The following ANKRD11 variants were observed in gnomAD, a reference collection of about 807,000 sequenced individuals.
ANKRD11 encodes the protein ankyrin repeat domain 11, also known as ankyrin repeat domain-containing protein 11.
ANKRD11 carries 17 observed loss-of-function variants against 195.7 expected under a neutral mutation model. The ratio of observed to expected loss-of-function variants is 0.09; its 90% CI spans 0.06 to 0.13. The LOEUF is 0.13. ANKRD11 is among the 10% of genes least tolerant of loss of function. The pLI is 1.00. For synonymous variants in ANKRD11, 1,953 were observed against 1,528.1 expected (o/e 1.28, Z -6.49); for missense variants, 3,735 against 3,566.1 (o/e 1.05, Z -1.21).
chr16:89,436,884 A>T (rs1182137891), intron 1 of ANKRD11, among the ~76,000 whole-genome samples: 1 of 152,230 alleles, frequency 6.6e-6, no homozygotes, highest in African/African-American at 2.4e-5. Context: ...CAATAAACTT[A>T]TCTACTTTCT....
intron 2 of ANKRD11, among the ~76,000 whole-genome samples, chr16:89,321,740 T>G (rs1440499487): frequency 6.6e-6 from 1 of 151,974 alleles, no homozygotes; most frequent in African/African-American, 2.4e-5. Context: ...AAATTCACCT[T>G]CAATAAAGGG....
At chr16:89,470,701 C>T (rs1022925275) in intron 1 of ANKRD11, among the ~76,000 whole-genome samples, 1 of 151,844 alleles carries the variant, frequency 6.6e-6, no homozygotes, top group Non-Finnish European at 1.5e-5. Flanking sequence ...AAAAATTAGC[C>T]GGGCGTGGCC....
chr16:89,411,603 G>A lies in ANKRD11; in HGVS notation c.-60+6681C>T, dbSNP rs576655401. 3.3e-5 allele frequency among the ~76,000 whole-genome samples: 5 copies of A among 152,102 alleles called. No individual in the cohort carries two copies. In the East Asian group the frequency reaches 7.7e-4, roughly 24 times the overall value. ...TAATTTTTGTATTTTTTGGAGAGAT[G>A]GGGTCTTGCCACGTTGCCCAGGCTG... On this transcript the variant is annotated intron_variant, in intron 2 of 12. Coordinates refer to ENST00000301030, the MANE Select transcript of ANKRD11 (RefSeq NM_013275.6).
At chr16:89,383,597 C>G (rs867633457) in intron 2 of ANKRD11, among the ~76,000 whole-genome samples, 1 of 152,208 alleles carries the variant, frequency 6.6e-6, no homozygotes, top group East Asian at 1.9e-4. Context: ...AGCCGAAGAG[C>G]CTCCCATGGT....
chr16:89,486,680 G>C (rs2057625453), intron 1 of ANKRD11, among the ~76,000 whole-genome samples: 1 of 152,104 alleles, frequency 6.6e-6, no homozygotes, highest in South Asian at 2.1e-4. Flanking sequence ...TCAGAGTTAG[G>C]CCACAGTCAC....
chr16:89,470,696 T>A (rs911712389), intron 1 of ANKRD11, among the ~76,000 whole-genome samples: 2 of 151,716 alleles, frequency 1.3e-5, no homozygotes, highest in Non-Finnish European at 2.9e-5. Flanking sequence ...ATACAAAAAA[T>A]TAGCCGGGCG....
In ANKRD11 at chr16:89,280,670, G is replaced by A. The variant is rs377249565; in HGVS notation, c.5872C>T (p.Leu1958Phe). The A allele has an allele frequency of 1.9e-6, 3 of 1,613,430 alleles. No individual in the cohort carries two copies. The highest frequency in any genetic ancestry group is 2.5e-6 in the Non-Finnish European group (3 of 1,179,950). Residue 1958 changes from leucine to phenylalanine, a missense_variant, in exon 9 of 13, where the codon CTT (leucine) becomes TTT (phenylalanine). By Grantham distance (22) the Leu-to-Phe change is conservative. Coordinates refer to ENST00000301030, the MANE Select transcript of ANKRD11 (RefSeq NM_013275.6). Reference protein sequence around the residue: ...VEWAHPSEQALASSLIGGTSE... With the variant: ...VEWAHPSEQAFASSLIGGTSE... ...GTGCCCCCGATCAGGCTAGAGGCAAGCGCCTGCTCGGAGGGGTGGGCCCAC... is the reference window on the plus strand; with the variant it reads ...GTGCCCCCGATCAGGCTAGAGGCAAACGCCTGCTCGGAGGGGTGGGCCCAC...
chr16:89,458,392 T>C (rs1471441409), intron 1 of ANKRD11, among the ~76,000 whole-genome samples: 1 of 151,880 alleles, frequency 6.6e-6, no homozygotes, highest in East Asian at 1.9e-4. Flanking sequence ...GCCCGGCTAA[T>C]TTTTTGTATT....
intron 3 of ANKRD11, among the ~76,000 whole-genome samples, chr16:89,311,686 G>A (rs907979163): frequency 6.6e-6 from 1 of 152,188 alleles, no homozygotes; most frequent in African/African-American, 2.4e-5. Flanking sequence ...TTTTAAAAGA[G>A]AGCACGAGTT....
intron 2 of ANKRD11, among the ~76,000 whole-genome samples, chr16:89,375,842 C>G (rs3102338): frequency 0.51 from 76,525 of 150,924 alleles, 20,349 homozygotes; most frequent in Middle Eastern, 0.69. Flanking sequence ...TACCATAAAC[C>G]CTAAATGACA....
At chr16:89,290,179 G>T (rs1057408774) in intron 6 of ANKRD11, among the ~76,000 whole-genome samples, 3 of 152,224 alleles carry the variant, frequency 2.0e-5, no homozygotes, top group Non-Finnish European at 4.4e-5. Flanking sequence ...CGCACCCCAC[G>T]AGGCCACAGC....
At chr16:89,323,689 C>A in intron 2 of ANKRD11, 1 of 303,456 alleles carries the variant, frequency 3.3e-6, no homozygotes, top group Non-Finnish European at 6.4e-6. Context: ...GTCAGCGTCT[C>A]TGTCCAGCCT....
intron 4 of ANKRD11, among the ~76,000 whole-genome samples, chr16:89,295,108 C>T (rs569376614): frequency 6.6e-6 from 1 of 152,348 alleles, no homozygotes; most frequent in African/African-American, 2.4e-5. Flanking sequence ...TACAGCACCA[C>T]AGACAGATGT....
intron 2 of ANKRD11, among the ~76,000 whole-genome samples, chr16:89,363,468 A>G (rs948410425): frequency 4.9e-5 from 6 of 122,126 alleles, no homozygotes; most frequent in African/African-American, 1.9e-4. Flanking sequence ...TAAAAGTATA[A>G]TAATAATAAA....
At position 89,305,211 on chromosome 16, in the gene ANKRD11, T is replaced by C. The variant is rs1431146018; in HGVS notation, c.221A>G (p.Asp74Gly). The change falls in exon 4 of 13, where the codon GAC (aspartate) becomes GGC (glycine). Residue 74 changes from aspartate to glycine, a missense_variant. Coordinates refer to ENST00000301030, the MANE Select transcript of ANKRD11 (RefSeq NM_013275.6). ...GAGGGGCCGCGGGCTGGTACCTGTG[T>C]CCGAGTCCTTCTGCTCCCCATTGGC... ...AGANGEQKDS[D>G]TEKQGPERKR... is the part of the protein sequence containing the mutation. The C allele has an allele frequency of 2.5e-6, 4 of 1,612,380 alleles. No homozygotes were observed. The highest frequency in any genetic ancestry group is 3.4e-6 in the Non-Finnish European group (4 of 1,179,792).
At chr16:89,341,858 A>ACTG (rs527987292) in intron 2 of ANKRD11, among the ~76,000 whole-genome samples, 203 of 67,680 alleles carry the variant, frequency 3.0e-3, no homozygotes, top group African/African-American at 8.3e-3. Flanking sequence ...CTGCACCTCC[A>ACTG]CCCACAGCGG....
chr16:89,337,978 G>A (rs575228772), intron 2 of ANKRD11, among the ~76,000 whole-genome samples: 54 of 152,308 alleles, frequency 3.5e-4, no homozygotes, highest in East Asian at 2.7e-3. Flanking sequence ...ACTGTCCCAC[G>A]GGTGACAAGC....
chr16:89,441,526 G>T (rs985656178), intron 1 of ANKRD11, among the ~76,000 whole-genome samples: 34 of 152,126 alleles, frequency 2.2e-4, no homozygotes, highest in African/African-American at 2.9e-4. Context: ...CCAGCACTTT[G>T]GGAGGCCAAG....
chr16:89,336,661 C>G (rs1349822542), intron 2 of ANKRD11, among the ~76,000 whole-genome samples: 1 of 152,136 alleles, frequency 6.6e-6, no homozygotes, highest in African/African-American at 2.4e-5. Flanking sequence ...CCGGGTGGGC[C>G]ACGACAGGGA....
Sources: allele counts gnomAD v4.1 joint callset (sites outside exome capture counted in the v4.1 genomes callset), GRCh38; gene constraint gnomAD v4.1.1; transcripts MANE v1.5; gene names NCBI Gene and HGNC (gene_info 2026-07-23, HGNC 2026-07-21).